ZNF695: variants seen among roughly 807,000 people sequenced by gnomAD.
ZNF695 encodes the protein zinc finger protein 695.
A neutral mutation model predicts 11.2 loss-of-function variants in ZNF695; 11 were observed. The observed-to-expected ratio is 0.98, with a 90% CI of 0.62 to 1.62. The LOEUF is 1.62. ZNF695 is among the 40% of genes most tolerant of loss of function. The pLI is 0.00. For synonymous variants in ZNF695, 190 were observed against 201.4 expected (o/e 0.94, Z 0.48); for missense variants, 559 against 590.5 (o/e 0.95, Z 0.55).
chr1:246,992,681 C>A (rs1056037732), intron 3 of ZNF695, among the ~76,000 whole-genome samples: 18 of 151,960 alleles, frequency 1.2e-4, no homozygotes, highest in Admixed American at 5.2e-4. Context: ...CACTATGCAC[C>A]CACAAATTTT....
At chr1:246,960,572 C>CA (rs1304196646) in intron 5 of ZNF695, among the ~76,000 whole-genome samples, 8 of 152,152 alleles carry the variant, frequency 5.3e-5, no homozygotes, top group African/African-American at 1.9e-4. Flanking sequence ...CCATGCAAGA[C>CA]AAGTTCTTTT....
At chr1:246,984,260 T>G (rs1668788110), downstream of ZNF695, among the ~76,000 whole-genome samples, 2 of 129,072 alleles carry the variant, frequency 1.5e-5, no homozygotes, top group African/African-American at 2.9e-5. Context: ...AGTGAGAAAG[T>G]GTAGCCATAA....
chr1:246,966,653 G>A (rs1198791327), intron 5 of ZNF695, among the ~76,000 whole-genome samples: 1 of 152,094 alleles, frequency 6.6e-6, no homozygotes, highest in Non-Finnish European at 1.5e-5. Context: ...AGGTATGGGG[G>A]CACATTCTTG....
chr1:246,985,598 A>T lies in ZNF695; in HGVS notation c.*1369T>A. The T allele has an allele frequency of 1.1e-6, 1 of 940,394 alleles. No homozygotes were observed. Among genetic ancestry groups the T allele is most frequent in the Non-Finnish European group, 1.2e-6 (1 of 807,206 alleles). The allele number at this position is 940,394 out of a possible 1,614,324, so 58.3% of individuals were successfully genotyped here. A position where few individuals can be genotyped will look rare whatever the true frequency, so the allele number is the denominator to read the frequency against. Reference sequence around the variant, plus strand: ...TCACTTAATGTACAACGGTCCAAAGACATTAAAACAATGTCTTATTAAAAC... The same window carrying T: ...TCACTTAATGTACAACGGTCCAAAGTCATTAAAACAATGTCTTATTAAAAC... On this transcript the variant is annotated 3_prime_UTR_variant, in exon 4 of 4. Transcript: ENST00000339986.
chr1:246,973,877 A>G (rs1668489637), intron 4 of ZNF695, among the ~76,000 whole-genome samples: 1 of 152,190 alleles, frequency 6.6e-6, no homozygotes, highest in Admixed American at 6.5e-5. Flanking sequence ...GTAGGCACTC[A>G]ATAGATGTGA....
chr1:246,992,419 G>C (rs780424810), intron 3 of ZNF695, among the ~76,000 whole-genome samples: 6 of 152,094 alleles, frequency 3.9e-5, no homozygotes, highest in Non-Finnish European at 7.4e-5. Context: ...GTGAGTGGGT[G>C]GGGGAGGTGG....
chr1:246,994,530 G>A (rs1298362249), intron 3 of ZNF695, among the ~76,000 whole-genome samples: 1 of 150,852 alleles, frequency 6.6e-6, no homozygotes, highest in Non-Finnish European at 1.5e-5. Flanking sequence ...GACAGATAGA[G>A]ACCCTATCTC....
At chr1:246,981,745 C>A (rs1428788623), downstream of ZNF695, among the ~76,000 whole-genome samples, 1 of 152,134 alleles carries the variant, frequency 6.6e-6, no homozygotes, top group East Asian at 1.9e-4. Context: ...TGCTAATGGT[C>A]CCAATTTGGC....
At chr1:246,984,781 C>T (rs1012525857), downstream of ZNF695, among the ~76,000 whole-genome samples, 18 of 152,226 alleles carry the variant, frequency 1.2e-4, no homozygotes, top group African/African-American at 4.3e-4. Flanking sequence ...AATACACTCA[C>T]TGTGGAATTA....
At chr1:246,981,630 AT>A (rs1282477268), downstream of ZNF695, among the ~76,000 whole-genome samples, 1 of 152,168 alleles carries the variant, frequency 6.6e-6, no homozygotes, top group Non-Finnish European at 1.5e-5. Flanking sequence ...AGCACAGAAC[AT>A]GGGAAGGACT....
intron 4 of ZNF695, among the ~76,000 whole-genome samples, chr1:246,976,806 A>G (rs1448097761): frequency 3.3e-5 from 5 of 152,212 alleles, no homozygotes; most frequent in Non-Finnish European, 7.4e-5. Context: ...ATAAATAAAT[A>G]AATAAATAAA....
intron 5 of ZNF695, among the ~76,000 whole-genome samples, chr1:246,966,506 A>T (rs962858118): frequency 4.6e-5 from 7 of 151,686 alleles, no homozygotes; most frequent in Admixed American, 6.6e-5. Flanking sequence ...TCAAAGTGAG[A>T]CGGCACAGTG....
chr1:247,006,881 G>T (rs1407819398), intron 1 of ZNF695, among the ~76,000 whole-genome samples: 2 of 152,166 alleles, frequency 1.3e-5, no homozygotes, highest in Non-Finnish European at 2.9e-5. Flanking sequence ...GATGTCCTGG[G>T]ATTCTATCTA....
intron 4 of ZNF695, among the ~76,000 whole-genome samples, chr1:246,977,560 A>G (rs1668601951): frequency 6.6e-6 from 1 of 152,164 alleles, no homozygotes; most frequent in South Asian, 2.1e-4. Flanking sequence ...CAAAAGGATA[A>G]AGTTTTTAAA....
At chr1:246,991,933 T>C (rs6684017) in intron 3 of ZNF695, among the ~76,000 whole-genome samples, 129,473 of 152,064 alleles carry the variant, frequency 0.85, 55,456 homozygotes, top group East Asian at 0.99. Context: ...CGGTGGCTCA[T>C]AACTGTAATC....
At chr1:246,945,774 G>C in exon 6 of ZNF695, 13 of 1,550,320 alleles carry the variant, frequency 8.4e-6, no homozygotes, top group Non-Finnish European at 1.1e-5. Flanking sequence ...TGTTCAAGCA[G>C]CGACGGAACC....
At chr1:247,007,857 T>C in intron 1 of ZNF695, 49 bp downstream of exon 1, 1 of 1,513,844 alleles carries the variant, frequency 6.6e-7, no homozygotes, top group Non-Finnish European at 8.9e-7. Flanking sequence ...TCCAACCGAT[T>C]CCAACCACCC....
rs1669315745 is a variant in ZNF695 at position 246,999,971 on chromosome 1, T to C, written c.107A>G (p.Asn36Ser). 1 of 1,614,160 alleles carries C rather than the reference T, an allele frequency of 6.2e-7. No individual in the cohort carries two copies. Among genetic ancestry groups the C allele is most frequent in the East Asian group, 2.2e-5 (1 of 44,880 alleles). Residue 36 changes from asparagine to serine, a missense_variant, in exon 2 of 4, where the codon AAC becomes AGC. Transcript: ENST00000339986. Reference protein sequence around the residue: ...RSLYRDVMLENYRNLISLGED... With the variant: ...RSLYRDVMLESYRNLISLGED... ...ACCAAGGGAGATCAGGTTTCTGTAG[T>C]TCTCTAACATCACATCCCTATACAA...
chr1:246,948,439 C>T (rs115780229), intron 5 of ZNF695, among the ~76,000 whole-genome samples: 20 of 151,900 alleles, frequency 1.3e-4, no homozygotes, highest in Non-Finnish European at 2.2e-4. Flanking sequence ...TACGAGGCTG[C>T]GAGGAGATAA....
Sources: allele counts gnomAD v4.1 joint callset (sites outside exome capture counted in the v4.1 genomes callset), GRCh38; gene constraint gnomAD v4.1.1; transcripts MANE v1.5; gene names NCBI Gene and HGNC (gene_info 2026-07-23, HGNC 2026-07-21).